The following DOCK8 variants were observed in gnomAD, a reference collection of about 807,000 sequenced individuals.
DOCK8 encodes the protein dedicator of cytokinesis 8, also known as dedicator of cytokinesis protein 8.
A neutral mutation model predicts 245.6 loss-of-function variants in DOCK8; 141 were observed. The ratio of observed to expected loss-of-function variants is 0.57; its 90% CI spans 0.50 to 0.66. DOCK8 has a LOEUF of 0.66. Among genes scored for constraint, DOCK8 ranks in the 30% least tolerant of loss-of-function variants. The probability of loss-of-function intolerance (pLI) is 0.00; values close to 1 mark genes in which losing one functional copy is unlikely to be tolerated. For synonymous variants in DOCK8, 1,168 were observed against 970.2 expected (o/e 1.20, Z -3.79); for missense variants, 2,965 against 2,603.4 (o/e 1.14, Z -3.02).
At chr9:419,006 G>A (rs2056159234) in intron 30 of DOCK8, among the ~76,000 whole-genome samples, 1 of 152,134 alleles carries the variant, frequency 6.6e-6, no homozygotes, top group Non-Finnish European at 1.5e-5. Context: ...CTTTTGCATG[G>A]ACTCTGTGGG....
intron 14 of DOCK8, among the ~76,000 whole-genome samples, chr9:351,590 T>C (rs773368315): frequency 1.2e-4 from 19 of 152,246 alleles, no homozygotes; most frequent in African/African-American, 3.1e-4. Context: ...TGACAAGTTA[T>C]CTTCTGTGCA....
chr9:285,030 C>G (rs1233954142), intron 2 of DOCK8, among the ~76,000 whole-genome samples: 2 of 152,058 alleles, frequency 1.3e-5, no homozygotes, highest in Admixed American at 6.5e-5. Flanking sequence ...AATTGTACAA[C>G]AAACCCCCAT....
intron 9 of DOCK8, among the ~76,000 whole-genome samples, chr9:328,918 C>A (rs1011783517): frequency 2.0e-5 from 3 of 149,266 alleles, no homozygotes. Context: ...CTACCTTAGG[C>A]CAGATAATTG....
chr9:447,769 G>C (rs1036679195), intron 44 of DOCK8, among the ~76,000 whole-genome samples: 5 of 152,208 alleles, frequency 3.3e-5, no homozygotes, highest in African/African-American at 1.2e-4. Flanking sequence ...TCATCAGGCA[G>C]AAGCAGAAAT....
intron 11 of DOCK8, among the ~76,000 whole-genome samples, 173 bp from the exon 12 acceptor site, chr9:336,409 C>A (rs1343136164): frequency 1.3e-5 from 2 of 152,162 alleles, no homozygotes; most frequent in African/African-American, 4.8e-5. Context: ...AGGACACCAA[C>A]AGGAGGACTA....
chr9:244,116 A>C (rs1043366283), intron 1 of DOCK8, among the ~76,000 whole-genome samples: 1 of 144,066 alleles, frequency 6.9e-6, no homozygotes, highest in African/African-American at 2.6e-5. Flanking sequence ...TGAACCCGGG[A>C]GGTGGAGCTT....
At chr9:442,533 A>G (rs2057125361) in intron 42 of DOCK8, among the ~76,000 whole-genome samples, 1 of 152,224 alleles carries the variant, frequency 6.6e-6, no homozygotes, top group South Asian at 2.1e-4. Flanking sequence ...CCTGCCAGTG[A>G]GTGACATTTG....
rs150057157 is a variant in DOCK8 at position 399,055 on chromosome 9, G to C, written c.3121-91G>C. The C allele has an allele frequency of 2.2e-4, 256 of 1,176,138 alleles. No homozygotes were observed. The African/African-American group carries it at 3.4e-3, about 16-fold the overall frequency. 72.9% of individuals were successfully genotyped at this position (1,176,138 alleles called of 1,614,324 possible). ...AGAAGGACAGTGGCTGAAATAATAG[G>C]ACCTGTCTCTCCCAATGTTCCCACC... On this transcript the variant is annotated intron_variant, in intron 25 of 47. Transcript: ENST00000432829.
chr9:346,507 A>G (rs2130978947), intron 14 of DOCK8, among the ~76,000 whole-genome samples: 1 of 152,326 alleles, frequency 6.6e-6, no homozygotes, highest in East Asian at 1.9e-4. Flanking sequence ...AAAAAGAGCC[A>G]CATAAAGTAC....
chr9:406,930 A>T lies in DOCK8; in HGVS notation c.3391A>T (p.Asn1131Tyr), dbSNP rs2055451998. ...AAAATGGCTCCTTACGTTTCTGTAG[A>T]ACTCAAGCTCCTGCTCCAGCTTCCA... ...TSPCPSISSQ[N>Y]SSSCSSFQDQ... Residue 1131 changes from asparagine (N) to tyrosine (Y), a missense_variant and splice_region_variant, in exon 28 of 48, where the codon AAC (asparagine) becomes TAC (tyrosine). Around this residue, in one of 3 missense-constraint regions of DOCK8, gnomAD observed 2,825 missense variants for 2,453.5 expected, o/e 1.15. Transcript: ENST00000432829. 3.1e-6 allele frequency: 5 copies of T among 1,614,060 alleles called. No individual in the cohort carries two copies. The highest frequency in any genetic ancestry group is 4.2e-6 in the Non-Finnish European group (5 of 1,179,996).
chr9:420,648 C>G, intron 31 of DOCK8, 65 bp downstream of exon 31: 2 of 1,597,006 alleles, frequency 1.3e-6, no homozygotes, highest in Non-Finnish European at 8.6e-7. Context: ...TGTCTTCTTA[C>G]TCATCCCCTT....
At chr9:424,222 T>G (rs777286277) in intron 33 of DOCK8, among the ~76,000 whole-genome samples, 1 of 152,076 alleles carries the variant, frequency 6.6e-6, no homozygotes, top group Non-Finnish European at 1.5e-5. Flanking sequence ...ATCTTCAACT[T>G]AGGCTGCACA....
chr9:230,067 A>G (rs1335642433), intron 1 of DOCK8, among the ~76,000 whole-genome samples: 1 of 78,860 alleles, frequency 1.3e-5, no homozygotes, highest in African/African-American at 5.1e-5. Context: ...CCCCCACCCC[A>G]CAACAGTCCC....
intron 2 of DOCK8, among the ~76,000 whole-genome samples, chr9:274,485 C>G (rs1434866445): frequency 8.0e-6 from 1 of 125,460 alleles, no homozygotes; most frequent in Admixed American, 8.4e-5. Flanking sequence ...TCTTTTCTTT[C>G]TTTTCTTTTT....
chr9:214,136 G>T, upstream of DOCK8: 1 of 259,788 alleles, frequency 3.8e-6, no homozygotes, highest in Non-Finnish European at 7.4e-6. Context: ...AAGCGAACAC[G>T]GGCTCCTCCA....
At chr9:266,123 A>T (rs1413864009) in intron 1 of DOCK8, among the ~76,000 whole-genome samples, 1 of 152,080 alleles carries the variant, frequency 6.6e-6, no homozygotes, top group Non-Finnish European at 1.5e-5. Flanking sequence ...TCTTTTACGA[A>T]TTTTTTTCTC....
At chr9:383,967 T>G (rs1295233888) in intron 22 of DOCK8, among the ~76,000 whole-genome samples, 1 of 152,210 alleles carries the variant, frequency 6.6e-6, no homozygotes, top group Non-Finnish European at 1.5e-5. Flanking sequence ...TCATGGAATA[T>G]TATTCATTAA....
At chr9:373,094 G>A (rs765998288) in intron 18 of DOCK8, among the ~76,000 whole-genome samples, 35 of 152,276 alleles carry the variant, frequency 2.3e-4, no homozygotes, top group Non-Finnish European at 4.7e-4. Flanking sequence ...TTTAACCTGG[G>A]AAGTGGAGGT....
intron 33 of DOCK8, among the ~76,000 whole-genome samples, chr9:424,404 C>CT (rs985334672): frequency 5.4e-4 from 80 of 149,128 alleles, no homozygotes; most frequent in Middle Eastern, 3.4e-3. Flanking sequence ...CTTTTCTTTT[C>CT]TTTTTTTTTT....
Sources: gnomAD v4.1 joint callset for allele counts (sites outside exome capture counted in the v4.1 genomes callset) on GRCh38, gnomAD v4.1.1 for gene constraint, gnomAD v4.1.1 regional missense constraint, MANE v1.5 for transcripts, NCBI Gene and HGNC (gene_info 2026-07-23, HGNC 2026-07-21) for gene names.